PRTG: variants seen among roughly 807,000 people sequenced by gnomAD.
The protein encoded by PRTG is immunoglobulin superfamily, DCC subclass, member 5.
A neutral mutation model predicts 122.5 loss-of-function variants in PRTG; 67 were observed. The observed-to-expected ratio is 0.55, with a 90% CI of 0.45 to 0.67. The LOEUF (loss-of-function observed/expected upper bound fraction) is 0.67, where lower values mean the gene tolerates loss of function less well. PRTG is among the 30% of genes least tolerant of loss of function. The pLI is 0.00. For synonymous variants in PRTG, 554 were observed against 501.1 expected (o/e 1.11, Z -1.41); for missense variants, 1,435 against 1,415.4 (o/e 1.01, Z -0.22).
intron 2 of PRTG, chr15:55,738,090 A>G (rs772531185): frequency 6.9e-6 from 1 of 144,080 alleles, no homozygotes; most frequent in African/African-American, 2.5e-5. Context: ...ATATATATAT[A>G]TATTTACTCT....
chr15:55,651,617 A>G (rs1320908185), intron 11 of PRTG, among the ~76,000 whole-genome samples: 1 of 152,230 alleles, frequency 6.6e-6, no homozygotes, highest in African/African-American at 2.4e-5. Context: ...TGTTCCCTGG[A>G]AAATGCATAA....
chr15:55,655,856 T>C (rs2059376757), intron 11 of PRTG: 1 of 152,232 alleles, frequency 6.6e-6, no homozygotes, highest in African/African-American at 2.4e-5. Context: ...TGTAAAACCA[T>C]TATCTAATTT....
In PRTG at chr15:55,639,748, GGAA is replaced by G; in HGVS notation, c.2215_2217del (p.Phe739del). 6.2e-7 allele frequency: 1 copy of G among 1,614,204 alleles called. No individual in the cohort carries two copies. The highest frequency in any genetic ancestry group is 1.3e-5 in the African/African-American group (1 of 75,054). The stretch of plus-strand genomic sequence containing the variant: ...GTGAATGCAGGCCTCCTCCAGTGCA[GGAA>G]GATGGAAGATGAGGTGTTAGCCTTC... On this transcript the variant is annotated inframe_deletion, in exon 13 of 20. Coordinates refer to ENST00000389286, the MANE Select transcript of PRTG (RefSeq NM_173814.6).
intron 14 of PRTG, among the ~76,000 whole-genome samples, chr15:55,637,676 T>A (rs1051894578): frequency 1.3e-5 from 2 of 152,082 alleles, no homozygotes; most frequent in Non-Finnish European, 2.9e-5. Context: ...TTTCACCCCA[T>A]TAGTACTGAT....
At chr15:55,699,097 T>A (rs2141838380) in intron 2 of PRTG, among the ~76,000 whole-genome samples, 1 of 152,264 alleles carries the variant, frequency 6.6e-6, no homozygotes, top group African/African-American at 2.4e-5. Context: ...TATTATAGGA[T>A]TTTTGGAGCT....
chr15:55,650,693 G>T (rs1337468053), intron 11 of PRTG, among the ~76,000 whole-genome samples: 2 of 152,110 alleles, frequency 1.3e-5, no homozygotes, highest in African/African-American at 4.8e-5. Context: ...GGCTGAGCTT[G>T]GTGGCTCATG....
chr15:55,635,863 T>C (rs1037263591), intron 15 of PRTG, among the ~76,000 whole-genome samples: 1 of 152,170 alleles, frequency 6.6e-6, no homozygotes, highest in African/African-American at 2.4e-5. Flanking sequence ...ATATAGTGTA[T>C]AGGTGGCCAC....
intron 2 of PRTG, among the ~76,000 whole-genome samples, chr15:55,728,023 C>T (rs2031097521): frequency 6.6e-6 from 1 of 152,002 alleles, no homozygotes; most frequent in South Asian, 2.1e-4. Flanking sequence ...TCCCACCATG[C>T]CCAGCTAATT....
chr15:55,654,736 G>A (rs2059370968), intron 11 of PRTG, among the ~76,000 whole-genome samples: 1 of 152,158 alleles, frequency 6.6e-6, no homozygotes, highest in South Asian at 2.1e-4. Context: ...GACAGAGAGA[G>A]CCTATTCATG....
At chr15:55,718,491 C>T (rs2030686306) in intron 2 of PRTG, among the ~76,000 whole-genome samples, 1 of 152,084 alleles carries the variant, frequency 6.6e-6, no homozygotes, top group African/African-American at 2.4e-5. Flanking sequence ...AACACCCCCG[C>T]TTTGACGGTA....
intron 2 of PRTG, among the ~76,000 whole-genome samples, chr15:55,723,566 C>G (rs376612361): frequency 2.0e-5 from 3 of 151,862 alleles, no homozygotes; most frequent in Admixed American, 1.3e-4. Context: ...AGAAATAAAT[C>G]TATACACCTA....
intron 2 of PRTG, among the ~76,000 whole-genome samples, chr15:55,739,348 C>T (rs1452094572): frequency 1.3e-5 from 2 of 151,342 alleles, no homozygotes; most frequent in African/African-American, 4.9e-5. Context: ...AATCTTCCTG[C>T]TTCAGCCTCC....
At chr15:55,685,797 G>C (rs2059567176) in intron 2 of PRTG, among the ~76,000 whole-genome samples, 1 of 152,156 alleles carries the variant, frequency 6.6e-6, no homozygotes, top group South Asian at 2.1e-4. Flanking sequence ...TATAAAGAGT[G>C]AGACTCTTCA....
chr15:55,704,886 T>C (rs1038048656), intron 2 of PRTG, among the ~76,000 whole-genome samples: 18 of 152,194 alleles, frequency 1.2e-4, no homozygotes, highest in African/African-American at 4.3e-4. Flanking sequence ...AGTGAATTCA[T>C]AAAGTAGACA....
chr15:55,629,059 C>A, intron 15 of PRTG, 55 bp from the exon 16 acceptor site: 1 of 1,225,640 alleles, frequency 8.2e-7, no homozygotes, highest in South Asian at 1.6e-5. Flanking sequence ...TTCTTTCACT[C>A]ATATTATACA....
chr15:55,710,484 C>G (rs1196157765), intron 2 of PRTG, among the ~76,000 whole-genome samples: 1 of 152,182 alleles, frequency 6.6e-6, no homozygotes, highest in Non-Finnish European at 1.5e-5. Flanking sequence ...TACTCACATT[C>G]AGTTTATGGC....
chr15:55,732,353 T>G (rs1319280427), intron 2 of PRTG, among the ~76,000 whole-genome samples: 1 of 150,424 alleles, frequency 6.6e-6, no homozygotes, highest in African/African-American at 2.5e-5. Context: ...CCCAGCTAAT[T>G]TTTGTATTTT....
rs781574830 is a variant in PRTG, at chr15:55,677,956, C to T, written c.1222G>A (p.Ala408Thr). 9 of 1,613,304 alleles carry T rather than the reference C, an allele frequency of 5.6e-6. No individual in the cohort carries two copies. The highest frequency in any genetic ancestry group is 8.5e-7 in the Non-Finnish European group (1 of 1,179,488). Reference sequence around the variant, plus strand: ...TCTGACATCACTACAGTCAGTCTGGCTCTAGATAAAATAGATCCTTGGCTA... The same window carrying T: ...TCTGACATCACTACAGTCAGTCTGGTTCTAGATAAAATAGATCCTTGGCTA... ...ENSQGSILSR[A>T]RLTVVMSEDR... is the part of the protein sequence containing the mutation. The change falls in exon 8 of 20, where the codon GCC becomes ACC. Residue 408 changes from alanine (A) to threonine (T), a missense_variant. By Grantham distance (58) the Ala-to-Thr change is moderately conservative. Transcript: ENST00000389286.
intron 1 of PRTG, among the ~76,000 whole-genome samples, chr15:55,741,328 T>C (rs1431184585): frequency 1.3e-5 from 2 of 152,246 alleles, no homozygotes; most frequent in Non-Finnish European, 2.9e-5. Flanking sequence ...TGGTAACTCT[T>C]GCTGCTTGTA....
Sources: gnomAD v4.1 joint callset for allele counts (sites outside exome capture counted in the v4.1 genomes callset) on GRCh38, gnomAD v4.1.1 for gene constraint, MANE v1.5 for transcripts, NCBI Gene and HGNC (gene_info 2026-07-23, HGNC 2026-07-21) for gene names.